The following DIXDC1 variants were observed in gnomAD, a reference collection of about 807,000 sequenced individuals.
DIXDC1 encodes the protein dixin.
A neutral mutation model predicts 103.1 loss-of-function variants in DIXDC1; 64 were observed. The observed-to-expected ratio is 0.62, with a 90% confidence interval of 0.51 to 0.76. The LOEUF is 0.76. DIXDC1 is among the 30% of genes least tolerant of loss of function. The probability of loss-of-function intolerance (pLI) is 0.00; values close to 1 mark genes in which losing one functional copy is unlikely to be tolerated. For synonymous variants in DIXDC1, 266 were observed against 298.5 expected (o/e 0.89, Z 1.12); for missense variants, 759 against 834.2 (o/e 0.91, Z 1.11).
chr11:111,952,671 T>A (rs1305201539), intron 1 of DIXDC1, among the ~76,000 whole-genome samples: 2 of 151,980 alleles, frequency 1.3e-5, no homozygotes, highest in Non-Finnish European at 2.9e-5. Flanking sequence ...AAATACAAAG[T>A]TAGCCGGCTG....
At chr11:111,980,184 G>A (rs1193121612) in intron 5 of DIXDC1, among the ~76,000 whole-genome samples, 1 of 152,036 alleles carries the variant, frequency 6.6e-6, no homozygotes, top group Non-Finnish European at 1.5e-5. Context: ...GGCAATGTAC[G>A]CCCTCCAGCA....
chr11:111,950,438 ATTTTTTTTTTTTTTTTTT>A (rs59473485), intron 1 of DIXDC1, among the ~76,000 whole-genome samples: 22 of 15,142 alleles, frequency 1.5e-3, no homozygotes, highest in African/African-American at 4.3e-3. Flanking sequence ...ATATATATAT[ATTTTTTTTTTTTTTTTTT>A]TTTTTTTTTT....
At chr11:111,930,821 G>A (rs587638257) in intron 2 of DIXDC1, among the ~76,000 whole-genome samples, 16 of 149,580 alleles carry the variant, frequency 1.1e-4, no homozygotes, top group African/African-American at 3.9e-4. Flanking sequence ...AACATAGTGA[G>A]ACCCTCCTTT....
chr11:111,990,565 T>C (rs1307790785), intron 10 of DIXDC1, among the ~76,000 whole-genome samples: 4 of 152,212 alleles, frequency 2.6e-5, no homozygotes, highest in African/African-American at 9.7e-5. Flanking sequence ...TTCCTAGGTC[T>C]TTTTTATGGC....
intron 9 of DIXDC1, among the ~76,000 whole-genome samples, 198 bp downstream of exon 9, chr11:111,987,122 C>T (rs1323352067): frequency 2.0e-5 from 3 of 151,884 alleles, no homozygotes; most frequent in Admixed American, 6.6e-5. Flanking sequence ...TGCTGGCACA[C>T]GTCTGTAGTC....
intron 1 of DIXDC1, among the ~76,000 whole-genome samples, chr11:111,952,219 AC>A (rs1351072474): frequency 6.6e-6 from 1 of 152,178 alleles, no homozygotes; most frequent in African/African-American, 2.4e-5. Context: ...CAGCGTGAAC[AC>A]AGACTAATAC....
At chr11:111,993,443 T>G in intron 12 of DIXDC1, 53 bp from the exon 13 acceptor site, 1 of 1,605,280 alleles carries the variant, frequency 6.2e-7, no homozygotes, top group East Asian at 2.2e-5. Flanking sequence ...GAGGGTGAAC[T>G]TTTCAGTGTC....
At chr11:111,929,762 A>T in intron 1 of DIXDC1, 3 of 1,201,636 alleles carry the variant, frequency 2.5e-6, no homozygotes, top group Non-Finnish European at 3.4e-6. Flanking sequence ...GTTGAGCTTT[A>T]AATTTTTTTT....
rs782536462 is a variant in DIXDC1 at position 111,977,782 on chromosome 11, C to T, written c.656+2799C>T. The T allele has an allele frequency of 5.1e-6, 8 of 1,563,760 alleles. No individual in the cohort carries two copies. The highest frequency in any genetic ancestry group is 1.4e-5 in the African/African-American group (1 of 72,704). ...GACAGGAGGGGGACCATGGGAGGGA[C>T]GCAAGTCAAATGGTGAGCTGAAGCC... On this transcript the variant is annotated intron_variant, in intron 5 of 19. Coordinates refer to ENST00000440460, the MANE Select transcript of DIXDC1 (RefSeq NM_001037954.4). This position sits in a 1 kb window ranked among gnomAD's most constrained non-coding sequence, Gnocchi z 6.1.
At chr11:111,991,250 A>G (rs1860704452) in intron 10 of DIXDC1, among the ~76,000 whole-genome samples, 1 of 152,204 alleles carries the variant, frequency 6.6e-6, no homozygotes, top group Admixed American at 6.5e-5. Context: ...CTGAAGACTC[A>G]CTGTGAATAA....
chr11:111,959,978 C>T (rs1859517301), intron 1 of DIXDC1, among the ~76,000 whole-genome samples: 2 of 152,092 alleles, frequency 1.3e-5, no homozygotes, highest in East Asian at 2.0e-4. Context: ...GGCGCAATCT[C>T]GACTCACTGC....
At chr11:111,985,769 G>A (rs995186920) in intron 8 of DIXDC1, among the ~76,000 whole-genome samples, 1 of 151,968 alleles carries the variant, frequency 6.6e-6, no homozygotes, top group South Asian at 2.1e-4. Flanking sequence ...CTCAGCTCTT[G>A]CTATGGATTT....
rs782711956 is a variant in DIXDC1 at position 111,993,510 on chromosome 11, G to T, written c.1287G>T (p.Gln429His). ...CTTTATTGCAGAAAGAGCTGGGGCA[G>T]AAGGATCGCCTTCTTCAGCAGCACC... ...LLGEYKKELG[Q>H]KDRLLQQHQA... Residue 429 changes from glutamine (Q) to histidine (H), a missense_variant, in exon 13 of 20, where the codon CAG becomes CAT. Physicochemically the swap from Gln to His is conservative, Grantham distance 24. Coordinates refer to ENST00000440460, the MANE Select transcript of DIXDC1 (RefSeq NM_001037954.4). 1.8e-4 allele frequency: 284 copies of T among 1,613,884 alleles called. No individual in the cohort carries two copies. Among genetic ancestry groups the T allele is most frequent in the Non-Finnish European group, 2.1e-4 (253 of 1,179,896 alleles).
At chr11:111,937,130 G>T, upstream of DIXDC1, 1 of 677,344 alleles carries the variant, frequency 1.5e-6, no homozygotes, top group Non-Finnish European at 1.8e-6. Context: ...TGCGGCCCGG[G>T]CGGGGGGGGG....
At chr11:111,995,986 T>G in intron 16 of DIXDC1, 94 bp from the exon 17 acceptor site, 1 of 1,060,420 alleles carries the variant, frequency 9.4e-7, no homozygotes, top group East Asian at 2.6e-5. Flanking sequence ...GGTAGAAAAG[T>G]ATGTAGTATT....
intron 17 of DIXDC1, 109 bp from the exon 18 acceptor site, chr11:112,016,582 G>A: frequency 1.2e-6 from 1 of 847,174 alleles, no homozygotes; most frequent in Non-Finnish European, 1.8e-6. Flanking sequence ...TGTGAGAGCT[G>A]TGGGCTGTGA....
intron 2 of DIXDC1, among the ~76,000 whole-genome samples, chr11:111,967,213 A>G (rs1859767152): frequency 6.6e-6 from 1 of 152,190 alleles, no homozygotes; most frequent in South Asian, 2.1e-4. Context: ...TGAATATCCA[A>G]CATCTCTACT....
chr11:111,936,226 A>G (rs1385929696), upstream of DIXDC1, among the ~76,000 whole-genome samples: 1 of 152,118 alleles, frequency 6.6e-6, no homozygotes, highest in Non-Finnish European at 1.5e-5. Context: ...CTTCCTCTCC[A>G]TCTGGGATCA....
intron 10 of DIXDC1, among the ~76,000 whole-genome samples, chr11:111,990,863 T>C (rs1465564591): frequency 6.6e-6 from 1 of 152,038 alleles, no homozygotes; most frequent in Non-Finnish European, 1.5e-5. Context: ...TGTGCCACCA[T>C]GCCCAGCTAA....
Sources: gnomAD v4.1 joint callset for allele counts (sites outside exome capture counted in the v4.1 genomes callset) on GRCh38, gnomAD v4.1.1 for gene constraint, Gnocchi (gnomAD v3.1) non-coding constraint, MANE v1.5 for transcripts, NCBI Gene and HGNC (gene_info 2026-07-23, HGNC 2026-07-21) for gene names.